Variants in ANKS1B observed in about 807,000 individuals in gnomAD.
ANKS1B encodes ankyrin repeat and sterile alpha motif domain-containing protein 1B.
A neutral mutation model predicts 148.3 loss-of-function variants in ANKS1B; 36 were observed. The ratio of observed to expected loss-of-function variants is 0.24; its 90% confidence interval spans 0.19 to 0.32. The LOEUF (loss-of-function observed/expected upper bound fraction) is 0.32. Among genes scored for constraint, ANKS1B ranks in the 10% least tolerant of loss-of-function variants. ANKS1B has a pLI of 1.00. For synonymous variants in ANKS1B, 542 were observed against 560.8 expected (o/e 0.97, Z 0.47); for missense variants, 1,157 against 1,542.6 (o/e 0.75, Z 4.19).
At chr12:98,977,842 A>G (rs948340438) in intron 17 of ANKS1B, among the ~76,000 whole-genome samples, 3 of 152,166 alleles carry the variant, frequency 2.0e-5, no homozygotes, top group African/African-American at 7.2e-5. Context: ...GTCAATAGAC[A>G]TTGGTAGCTT....
chr12:98,890,331 A>G (rs2099749700), intron 17 of ANKS1B, among the ~76,000 whole-genome samples: 1 of 152,242 alleles, frequency 6.6e-6, no homozygotes, highest in South Asian at 2.1e-4. Context: ...GACAATGCCA[A>G]CCTTCCATTC....
At chr12:99,532,573 GA>G (rs2097011045) in intron 9 of ANKS1B, among the ~76,000 whole-genome samples, 2 of 152,118 alleles carry the variant, frequency 1.3e-5, no homozygotes, top group African/African-American at 4.8e-5. Flanking sequence ...TGTTAGCCAG[GA>G]TGGTCTCAAT....
intron 12 of ANKS1B, among the ~76,000 whole-genome samples, chr12:99,256,685 T>G (rs1005646966): frequency 6.6e-6 from 1 of 152,208 alleles, no homozygotes; most frequent in Non-Finnish European, 1.5e-5. Flanking sequence ...TTATTCCACT[T>G]TTTTGTGGCT....
At chr12:99,477,622 A>G (rs2096346064) in intron 10 of ANKS1B, among the ~76,000 whole-genome samples, 1 of 152,202 alleles carries the variant, frequency 6.6e-6, no homozygotes, top group Non-Finnish European at 1.5e-5. Flanking sequence ...CTGAGACAGT[A>G]CCTGTAAAGT....
At chr12:99,243,871 G>T (rs971950492) in intron 14 of ANKS1B, among the ~76,000 whole-genome samples, 1 of 152,146 alleles carries the variant, frequency 6.6e-6, no homozygotes, top group Non-Finnish European at 1.5e-5. Flanking sequence ...GCCTCTTGCG[G>T]GGTGGGGAGC....
At chr12:99,427,121 T>C (rs1054784102) in intron 11 of ANKS1B, among the ~76,000 whole-genome samples, 1 of 152,258 alleles carries the variant, frequency 6.6e-6, no homozygotes, top group Admixed American at 6.5e-5. Flanking sequence ...CAAAACGTCC[T>C]AATTGTTTCC....
intron 14 of ANKS1B, among the ~76,000 whole-genome samples, chr12:99,193,780 T>C (rs2081039117): frequency 6.7e-6 from 1 of 149,666 alleles, no homozygotes; most frequent in East Asian, 2.0e-4. Context: ...AGATTTTCCA[T>C]GTATTTCTAG....
chr12:99,544,415 A>G (rs963395649), intron 9 of ANKS1B, among the ~76,000 whole-genome samples: 1 of 152,124 alleles, frequency 6.6e-6, no homozygotes, highest in East Asian at 1.9e-4. Flanking sequence ...CCTATGCTTT[A>G]TTATGTGCAG....
intron 17 of ANKS1B, among the ~76,000 whole-genome samples, chr12:98,953,940 G>T (rs73382455): frequency 0.11 from 16,496 of 152,004 alleles, 1,129 homozygotes; most frequent in African/African-American, 0.18. Context: ...TCATCTTTTT[G>T]ATATGACCAT....
In ANKS1B at chr12:99,540,093, ACAGT is replaced by A. The variant is rs1009531478; in HGVS notation, c.1273-35456_1273-35453del. Among the ~76,000 whole-genome samples the A allele has an allele frequency of 1.1e-4, 17 of 152,206 alleles. 1 individual carries two copies. Among genetic ancestry groups the A allele is most frequent in the South Asian group, 2.1e-4 (1 of 4,828 alleles). On this transcript the variant is annotated intron_variant, in intron 9 of 26. Coordinates refer to ENST00000683438, the MANE Select transcript of ANKS1B (RefSeq NM_001352186.2). ...AAAAAAGACATTTTATAAAGATAAA[ACAGT>A]CAGTCAGGAAGACACAACAAGCATA...
At chr12:99,907,489 C>T (rs1290182773) in intron 1 of ANKS1B, among the ~76,000 whole-genome samples, 2 of 152,128 alleles carry the variant, frequency 1.3e-5, no homozygotes, top group East Asian at 3.8e-4. Flanking sequence ...ATAAGGGGAG[C>T]AATATTGAAT....
intron 12 of ANKS1B, among the ~76,000 whole-genome samples, chr12:99,310,909 G>T (rs959409720): frequency 6.6e-6 from 1 of 152,112 alleles, no homozygotes; most frequent in African/African-American, 2.4e-5. Flanking sequence ...GTGACTCTCA[G>T]CAAGTTATTT....
At chr12:99,344,351 T>C (rs2090363099) in intron 12 of ANKS1B, among the ~76,000 whole-genome samples, 2 of 152,088 alleles carry the variant, frequency 1.3e-5, no homozygotes, top group South Asian at 2.1e-4. Flanking sequence ...TCACCTCATA[T>C]ATCTCTCTTT....
chr12:99,184,397 T>G (rs1488259172), intron 14 of ANKS1B, among the ~76,000 whole-genome samples: 1 of 152,176 alleles, frequency 6.6e-6, no homozygotes, highest in Admixed American at 6.5e-5. Context: ...TTTAGCTCCA[T>G]TTGGGTTCAA....
intron 17 of ANKS1B, among the ~76,000 whole-genome samples, chr12:98,936,633 A>C (rs1252280668): frequency 6.6e-6 from 1 of 152,146 alleles, no homozygotes; most frequent in African/African-American, 2.4e-5. Flanking sequence ...TAAAAAAAAA[A>C]AGAACAATTA....
At position 99,775,463 on chromosome 12, in the gene ANKS1B, G is replaced by A; in HGVS notation, c.961+85C>T. ...ATAAATGGATGAAATATAGAGTATA[G>A]GATATAACCTATTAGACTTGAAATT... is the stretch of plus-strand genomic sequence containing the variant. On this transcript the variant is annotated intron_variant, in intron 7 of 26. Transcript: ENST00000683438. 8 of 828,292 alleles carry A rather than the reference G, an allele frequency of 9.7e-6. No homozygotes were observed. In the South Asian group the frequency reaches 1.3e-4, roughly 14 times the overall value. 51.3% of individuals were successfully genotyped at this position (828,292 alleles called of 1,614,324 possible). A position where few individuals can be genotyped will look rare whatever the true frequency, so the allele number is the denominator to read the frequency against.
In ANKS1B at chr12:98,981,814, A is replaced by C. The variant is rs569003923; in HGVS notation, c.2778+71343T>G. 3.3e-5 allele frequency among the ~76,000 whole-genome samples: 5 copies of C among 152,370 alleles called. No individual in the cohort carries two copies. In the East Asian group the frequency reaches 9.6e-4, roughly 29 times the overall value. The stretch of plus-strand genomic sequence containing the variant: ...AAAACTCCTGAGCAGTTAATGTCAA[A>C]TGTAATATGATGTAAGTAAGTTGAT... On this transcript the variant is annotated intron_variant, in intron 17 of 26. Coordinates refer to ENST00000683438, the MANE Select transcript of ANKS1B (RefSeq NM_001352186.2).
chr12:99,786,151 T>C (rs1007421556), intron 4 of ANKS1B, among the ~76,000 whole-genome samples: 21 of 152,230 alleles, frequency 1.4e-4, no homozygotes, highest in African/African-American at 5.1e-4. Flanking sequence ...TTGGACTTGA[T>C]TTCAGATAAA....
chr12:99,185,412 G>A (rs2079687738), intron 14 of ANKS1B, among the ~76,000 whole-genome samples: 1 of 152,208 alleles, frequency 6.6e-6, no homozygotes, highest in Non-Finnish European at 1.5e-5. Context: ...ATTGGTTTGT[G>A]TTCTACTGGG....
Sources: allele counts gnomAD v4.1 joint callset (sites outside exome capture counted in the v4.1 genomes callset), GRCh38; gene constraint gnomAD v4.1.1; transcripts MANE v1.5; gene names NCBI Gene and HGNC (gene_info 2026-07-23, HGNC 2026-07-21).